TCF20: variants seen among roughly 807,000 people sequenced by gnomAD.
TCF20 encodes the protein transcription factor 20, also known as SPRE-binding protein.
TCF20 carries 3 observed loss-of-function variants against 148.6 expected under a neutral mutation model. That is an observed-to-expected ratio of 0.02 (90% CI 0.01 to 0.05). TCF20 has a LOEUF of 0.05. Ranked by LOEUF, TCF20 falls within the 10% of genes least tolerant of loss-of-function variation. The probability of loss-of-function intolerance (pLI) is 1.00; values close to 1 mark genes in which losing one functional copy is unlikely to be tolerated. For missense variants in TCF20, 2,350 were observed against 2,429.3 expected (o/e 0.97, Z 0.69); for synonymous variants, 1,049 against 909.5 (o/e 1.15, Z -2.76).
In TCF20 at chr22:42,211,753, G is replaced by C. The variant is rs756816772; in HGVS notation, c.3553C>G (p.Gln1185Glu). The C allele has an allele frequency of 9.3e-6, 15 of 1,614,208 alleles. No individual in the cohort carries two copies. Among genetic ancestry groups the C allele is most frequent in the Admixed American group, 1.7e-5 (1 of 60,022 alleles). ...MELKHGSQKLQESCWDLSRQT... is the reference protein window; with the variant it reads ...MELKHGSQKLEESCWDLSRQT... ...CGAGAAAGATCCCAACAGGATTCTT[G>C]TAACTTCTGGGAGCCATGCTTTAAT... Residue 1185 changes from glutamine to glutamate, a missense_variant, in exon 2 of 6, where the codon CAA becomes GAA. Physicochemically the swap from Gln to Glu is conservative, Grantham distance 29 (BLOSUM62 2). Coordinates refer to ENST00000677622, the MANE Select transcript of TCF20 (RefSeq NM_001378418.1).
At chr22:42,294,179 C>A (rs568019800) in intron 1 of TCF20, among the ~76,000 whole-genome samples, 2 of 152,102 alleles carry the variant, frequency 1.3e-5, no homozygotes, top group Non-Finnish European at 2.9e-5. Flanking sequence ...CCCGCCAGCC[C>A]GCTCCACCCC....
chr22:42,179,619 G>A lies in TCF20; in HGVS notation c.5739C>T (p.Ala1913=), dbSNP rs776979241. The A allele has an allele frequency of 3.1e-6, 5 of 1,613,800 alleles. No homozygotes were observed. In the Admixed American group the frequency reaches 6.7e-5, roughly 22 times the overall value. The change falls in exon 3 of 6, where the codon GCC becomes GCT. Residue 1913 remains alanine, a synonymous_variant. Coordinates refer to ENST00000677622, the MANE Select transcript of TCF20 (RefSeq NM_001378418.1). ...GCSFRYHYPC[A]IDADCLLHEE... ...GTGGTCTCCTCTTACCTGCATCAAT[G>A]GCACACGGGTAATGGTATCGGAAGG...
intron 5 of TCF20, among the ~76,000 whole-genome samples, chr22:42,165,820 G>GT (rs1935748524): frequency 6.6e-6 from 1 of 152,212 alleles, no homozygotes; most frequent in African/African-American, 2.4e-5. Flanking sequence ...TGCTATTCCT[G>GT]TTTTTACAGA....
chr22:42,205,341 A>AATG (rs1270853162), intron 2 of TCF20, among the ~76,000 whole-genome samples: 1 of 144,170 alleles, frequency 6.9e-6, no homozygotes, highest in Non-Finnish European at 1.5e-5. Context: ...TAAATATAGA[A>AATG]ATGTTCTAGT....
At position 42,211,655 on chromosome 22, in the gene TCF20, C is replaced by T. The variant is rs373379726; in HGVS notation, c.3651G>A (p.Glu1217=). The T allele has an allele frequency of 1.3e-5, 21 of 1,614,118 alleles. No homozygotes were observed. Among genetic ancestry groups the T allele is most frequent in the Admixed American group, 8.3e-5 (5 of 60,008 alleles). The change falls in exon 2 of 6, where the codon GAG becomes GAA. Residue 1217 remains glutamate, a synonymous_variant. Coordinates refer to ENST00000677622, the MANE Select transcript of TCF20 (RefSeq NM_001378418.1). ...SSQKRYGPPH[E]TDGHGLAEAT... ...CCTCAGCTAGTCCATGTCCATCAGT[C>T]TCATGGGGCGGCCCATACCTTTTTT...
At chr22:42,251,486 A>T (rs528181548) in intron 1 of TCF20, among the ~76,000 whole-genome samples, 1 of 135,108 alleles carries the variant, frequency 7.4e-6, no homozygotes, top group South Asian at 2.4e-4. Flanking sequence ...CTGGCCAAAC[A>T]AGTGTCTTTT....
chr22:42,169,855 T>C lies in TCF20; in HGVS notation c.5791A>G (p.Lys1931Glu), dbSNP rs762406048. The change falls in exon 4 of 6, where the codon AAG becomes GAG. Residue 1931 changes from lysine to glutamate, a missense_variant. Lys to Glu is a moderately conservative substitution (Grantham distance 56). Transcript: ENST00000677622. ...HEENFSVRCPKHKPPLPCPLP... is the reference protein window; with the variant it reads ...HEENFSVRCPEHKPPLPCPLP... ...TGGGGCCTCTGACTCACCTTGTGCT[T>C]AGGGCACCTCACCGAGAAGTTCTCC... The C allele has an allele frequency of 6.8e-6, 11 of 1,613,238 alleles. No homozygotes were observed. In the African/African-American group the frequency reaches 8.0e-5, roughly 12 times the overall value.
chr22:42,234,116 T>C (rs1323753853), intron 1 of TCF20, among the ~76,000 whole-genome samples: 1 of 152,210 alleles, frequency 6.6e-6, no homozygotes, highest in Non-Finnish European at 1.5e-5. Context: ...CAAAATGCTC[T>C]TAACTGACCA....
chr22:42,184,479 A>G (rs1345995084), intron 2 of TCF20, among the ~76,000 whole-genome samples: 1 of 152,224 alleles, frequency 6.6e-6, no homozygotes, highest in Non-Finnish European at 1.5e-5. Context: ...CCAGGCCAGT[A>G]CAATTTCTAA....
chr22:42,189,348 TCTGATGAGG>T (rs1316865424), intron 2 of TCF20, among the ~76,000 whole-genome samples: 2 of 152,172 alleles, frequency 1.3e-5, no homozygotes, highest in Non-Finnish European at 2.9e-5. Flanking sequence ...ACAGCAGGAT[TCTGATGAGG>T]TGAGCACACA....
At chr22:42,190,068 G>A (rs1054227199) in intron 2 of TCF20, among the ~76,000 whole-genome samples, 13 of 152,054 alleles carry the variant, frequency 8.5e-5, no homozygotes, top group African/African-American at 2.9e-4. Context: ...TTTAAGTCTT[G>A]ATTTTCTCAA....
At chr22:42,331,214 C>T (rs977060360) in intron 1 of TCF20, among the ~76,000 whole-genome samples, 1 of 152,200 alleles carries the variant, frequency 6.6e-6, no homozygotes, top group Non-Finnish European at 1.5e-5. Context: ...CAAACCCGGC[C>T]CCAGGACACC....
chr22:42,280,297 G>C (rs970501906), intron 1 of TCF20, among the ~76,000 whole-genome samples: 1 of 152,064 alleles, frequency 6.6e-6, no homozygotes, highest in Non-Finnish European at 1.5e-5. Context: ...GTCACAACTC[G>C]CTCAAGGCCC....
upstream of TCF20, among the ~76,000 whole-genome samples, chr22:42,273,360 C>CAA (rs35166029): frequency 0.05 from 3,062 of 61,236 alleles, 440 homozygotes; most frequent in African/African-American, 0.095. Flanking sequence ...AACTCCGTCT[C>CAA]AAAAAAAAAA....
chr22:42,318,115 C>T (rs1416038886), intron 1 of TCF20, among the ~76,000 whole-genome samples: 1 of 152,264 alleles, frequency 6.6e-6, no homozygotes, highest in Non-Finnish European at 1.5e-5. Context: ...ACCACAGGCC[C>T]CGCCCTGCTC....
chr22:42,213,190 G>A lies in TCF20; in HGVS notation c.2116C>T (p.Arg706Cys), dbSNP rs760478206. 1.1e-5 allele frequency: 17 copies of A among 1,614,058 alleles called. No homozygotes were observed. Among genetic ancestry groups the A allele is most frequent in the Admixed American group, 3.3e-5 (2 of 60,000 alleles). Residue 706 changes from arginine (R) to cysteine (C), a missense_variant, in exon 2 of 6, where the codon CGC becomes TGC. By Grantham distance (180) the Arg-to-Cys change is radical. Around this residue, in one of 7 missense-constraint regions of TCF20, gnomAD observed 1,641 missense variants for 1,662.6 expected, o/e 0.99. Transcript: ENST00000677622. ...CCGAAACTATCTTTGTAACTATAGCGCAGACTTCCAGGAGATTTGCTAGGC... is the reference window on the plus strand; with the variant it reads ...CCGAAACTATCTTTGTAACTATAGCACAGACTTCCAGGAGATTTGCTAGGC... ...TEPSKSPGSL[R>C]YSYKDSFGSA...
chr22:42,201,395 T>C (rs899950064), intron 2 of TCF20, among the ~76,000 whole-genome samples: 3 of 152,222 alleles, frequency 2.0e-5, no homozygotes, highest in Non-Finnish European at 4.4e-5. Context: ...TGAATCATTC[T>C]GTGGATACAC....
intron 1 of TCF20, among the ~76,000 whole-genome samples, chr22:42,289,584 G>C (rs142643846): frequency 6.6e-6 from 1 of 152,216 alleles, no homozygotes; most frequent in Admixed American, 6.5e-5. Context: ...GCCCTGAAAG[G>C]TGGTGTAAAG....
intron 1 of TCF20, among the ~76,000 whole-genome samples, chr22:42,269,529 A>G (rs1357898761): frequency 6.6e-6 from 1 of 152,190 alleles, no homozygotes; most frequent in African/African-American, 2.4e-5. Context: ...CTCCCGCCGT[A>G]GCCTGAGAGG....
Sources: allele counts gnomAD v4.1 joint callset (sites outside exome capture counted in the v4.1 genomes callset), GRCh38; gene constraint gnomAD v4.1.1; regional missense constraint gnomAD v4.1.1; transcripts MANE v1.5; gene names NCBI Gene and HGNC (gene_info 2026-07-23, HGNC 2026-07-21).